Variants in RLF observed in about 807,000 individuals in gnomAD.
RLF encodes RLF zinc finger, also known as zinc finger protein Rlf.
A neutral mutation model predicts 162.9 loss-of-function variants in RLF; 7 were observed. The ratio of observed to expected loss-of-function variants is 0.04; its 90% confidence interval spans 0.02 to 0.08. The LOEUF is 0.08. Ranked by LOEUF, RLF falls within the 10% of genes least tolerant of loss-of-function variation. The probability of loss-of-function intolerance (pLI) is 1.00; values close to 1 mark genes in which losing one functional copy is unlikely to be tolerated. For missense variants in RLF, 1,664 were observed against 2,244.7 expected, an observed-to-expected ratio of 0.74 and a Z score of 5.23; for synonymous variants, 782 against 791.5, an observed-to-expected ratio of 0.99 and a Z score of 0.20.
chr1:40,163,116 G>GT (rs11419548), intron 1 of RLF, among the ~76,000 whole-genome samples: 7,918 of 152,210 alleles, frequency 0.052, 599 homozygotes, highest in African/African-American at 0.17. Flanking sequence ...CAATTAACTA[G>GT]AAAAATAAGT....
At chr1:40,222,794 A>G in intron 6 of RLF, 84 bp downstream of exon 6, 1 of 1,238,466 alleles carries the variant, frequency 8.1e-7, no homozygotes, top group Non-Finnish European at 1.1e-6. Flanking sequence ...ATTTGTTTCT[A>G]ATTTAAAACC....
rs772715660 is a variant in RLF, at chr1:40,238,662, A to C, written c.3960A>C (p.Ser1320=). 2 of 1,613,518 alleles carry C rather than the reference A, an allele frequency of 1.2e-6. No individual in the cohort carries two copies. The highest frequency in any genetic ancestry group is 1.1e-5 in the South Asian group (1 of 91,044). The change falls in exon 8 of 8, where the codon TCA becomes TCC. Residue 1320 remains serine, a synonymous_variant. Transcript: ENST00000372771. The surrounding 1 kb of genome is among the most constrained non-coding windows in gnomAD (Gnocchi z 5.2). ...FHCIHKTCNS[S]FTNLKGLIRH... ...GTATTCATAAAACTTGCAACTCCTC[A>C]TTCACCAATCTAAAAGGCTTAATTC...
intron 3 of RLF, among the ~76,000 whole-genome samples, chr1:40,192,407 A>AG (rs1642571032): frequency 6.6e-6 from 1 of 152,198 alleles, no homozygotes; most frequent in East Asian, 1.9e-4. Flanking sequence ...CCCTAATCTG[A>AG]AAATCCGAAA....
chr1:40,194,763 G>A (rs1404470483), intron 3 of RLF, among the ~76,000 whole-genome samples: 2 of 151,884 alleles, frequency 1.3e-5, no homozygotes, highest in Non-Finnish European at 2.9e-5. Context: ...AGGAATTCAG[G>A]AAAACGTTTT....
At chr1:40,222,460 C>T (rs16827064) in intron 5 of RLF, 114 bp from the exon 6 acceptor site, 85,364 of 841,916 alleles carry the variant, frequency 0.1, 4,600 homozygotes, top group South Asian at 0.15. Context: ...CATTCATTAG[C>T]AGGAGAAAAT....
At chr1:40,232,064 C>A (rs528171890) in intron 7 of RLF, among the ~76,000 whole-genome samples, 1 of 151,972 alleles carries the variant, frequency 6.6e-6, no homozygotes, top group African/African-American at 2.4e-5. Flanking sequence ...AAAAATTAGC[C>A]GGGCATGGTG....
intron 1 of RLF, among the ~76,000 whole-genome samples, chr1:40,169,844 C>G (rs985956878): frequency 6.6e-6 from 1 of 151,580 alleles, no homozygotes; most frequent in African/African-American, 2.4e-5. Flanking sequence ...AGGTGCTCAT[C>G]ACCACACCCG....
chr1:40,222,024 T>C (rs1450761745), intron 5 of RLF, among the ~76,000 whole-genome samples: 3 of 151,968 alleles, frequency 2.0e-5, no homozygotes, highest in Non-Finnish European at 2.9e-5. Context: ...TGAAAAGATA[T>C]ATTTCTAAAA....
At chr1:40,202,659 A>G (rs1320830001) in intron 5 of RLF, 45 bp downstream of exon 5, 1 of 1,095,270 alleles carries the variant, frequency 9.1e-7, no homozygotes, top group Admixed American at 2.8e-5. Flanking sequence ...TTAATTTAAT[A>G]GATTTATATA....
rs533786343 is a variant in RLF, at chr1:40,197,393, A to G, written c.607+1629A>G. On this transcript the variant is annotated intron_variant, in intron 4 of 7. Coordinates refer to ENST00000372771, the MANE Select transcript of RLF (RefSeq NM_012421.4). ...AAAGCTGTTAGAACCAGGTAATTTC[A>G]GAAACATCCCAGAATTGGGCAGATC... Among the ~76,000 whole-genome samples the G allele has an allele frequency of 2.0e-5, 3 of 152,350 alleles. No individual in the cohort carries two copies. In the East Asian group the frequency reaches 5.8e-4, roughly 29 times the overall value.
chr1:40,231,472 T>C, intron 6 of RLF, 45 bp from the exon 7 acceptor site: 2 of 1,583,254 alleles, frequency 1.3e-6, no homozygotes, highest in Non-Finnish European at 1.7e-6. Context: ...GGGCAGCAAA[T>C]ACCAGTTACT....
At position 40,210,047 on chromosome 1, in the gene RLF, C is replaced by T. The variant is rs144858510; in HGVS notation, c.810+7433C>T. On this transcript the variant is annotated intron_variant, in intron 5 of 7. Transcript: ENST00000372771. ...AGACTGAGATGTAGTAATGGTTATT[C>T]TCAGCACCTGACACATGCCAAAACA... is the stretch of plus-strand genomic sequence containing the variant. Among the ~76,000 whole-genome samples, 6 of 152,226 alleles carry T rather than the reference C, an allele frequency of 3.9e-5. No individual in the cohort carries two copies. In the East Asian group the frequency reaches 1.2e-3, roughly 29 times the overall value.
At chr1:40,193,262 T>C (rs948479256) in intron 3 of RLF, among the ~76,000 whole-genome samples, 1 of 152,130 alleles carries the variant, frequency 6.6e-6, no homozygotes. Context: ...GCTACCATAG[T>C]TTTTGTAGTT....
intron 1 of RLF, among the ~76,000 whole-genome samples, chr1:40,174,112 C>A (rs897885212): frequency 2.0e-5 from 3 of 152,196 alleles, no homozygotes; most frequent in Non-Finnish European, 4.4e-5. Flanking sequence ...ATGGCTCACG[C>A]CTGTAATCCC....
At chr1:40,173,170 G>A (rs920774477) in intron 1 of RLF, among the ~76,000 whole-genome samples, 6 of 148,928 alleles carry the variant, frequency 4.0e-5, no homozygotes, top group African/African-American at 1.5e-4. Flanking sequence ...TCTGCCTCCC[G>A]GGTTCAAGCG....
intron 4 of RLF, among the ~76,000 whole-genome samples, chr1:40,197,086 A>G (rs1642647872): frequency 3.3e-5 from 5 of 152,188 alleles, no homozygotes; most frequent in Admixed American, 3.3e-4. Flanking sequence ...CAGTTAGTTT[A>G]TCCATTCACC....
intron 5 of RLF, among the ~76,000 whole-genome samples, chr1:40,207,698 C>A (rs754498279): frequency 6.6e-6 from 1 of 152,142 alleles, no homozygotes; most frequent in Non-Finnish European, 1.5e-5. Flanking sequence ...GCAGCCTCCA[C>A]CTCCTGAGTT....
intron 1 of RLF, among the ~76,000 whole-genome samples, chr1:40,173,165 C>T (rs1642271125): frequency 1.3e-5 from 2 of 151,338 alleles, no homozygotes; most frequent in Admixed American, 1.3e-4. Context: ...CAATATCTGC[C>T]TCCCGGGTTC....
Position 40,202,470 on chromosome 1 carries a change from G to A in RLF, c.666G>A (p.Leu222=). 1 of 1,586,060 alleles carries A rather than the reference G, an allele frequency of 6.3e-7. No individual in the cohort carries two copies. Among genetic ancestry groups the A allele is most frequent in the South Asian group, 1.2e-5 (1 of 85,006 alleles). The change falls in exon 5 of 8, where the codon TTG becomes TTA. Residue 222 remains leucine (L), a synonymous_variant. Coordinates refer to ENST00000372771, the MANE Select transcript of RLF (RefSeq NM_012421.4). ...TTCTGCAAATGCGAATAAAACATTT[G>A]TTGAAATCTAACTGCATCCCCCAGG... The part of the protein sequence containing the change: ...PSFLQMRIKH[L]LKSNCIPQAT...
Sources: allele counts gnomAD v4.1 joint callset (sites outside exome capture counted in the v4.1 genomes callset), GRCh38; gene constraint gnomAD v4.1.1; non-coding constraint Gnocchi (gnomAD v3.1); transcripts MANE v1.5; gene names NCBI Gene and HGNC (gene_info 2026-07-23, HGNC 2026-07-21).